PCDH9: variants seen among roughly 807,000 people sequenced by gnomAD.
PCDH9 encodes protocadherin-9.
Under a neutral mutation model 70.6 loss-of-function variants are expected in PCDH9, and 24 were observed. The observed-to-expected ratio is 0.34, with a 90% CI of 0.25 to 0.48. The LOEUF (loss-of-function observed/expected upper bound fraction) is 0.48. Among genes scored for constraint, PCDH9 ranks in the 20% least tolerant of loss-of-function variants. The pLI is 0.99. For synonymous variants in PCDH9, 562 were observed against 558.5 expected (o/e 1.01, Z -0.09); for missense variants, 1,281 against 1,503.6 (o/e 0.85, Z 2.45).
chr13:66,925,291 T>A (rs568344246), intron 2 of PCDH9, among the ~76,000 whole-genome samples: 2 of 150,542 alleles, frequency 1.3e-5, no homozygotes, highest in Non-Finnish European at 3.0e-5. Flanking sequence ...AATAACTTAC[T>A]TCCCCATGTT....
chr13:66,997,700 A>C (rs888598542), intron 2 of PCDH9, among the ~76,000 whole-genome samples: 4 of 151,896 alleles, frequency 2.6e-5, no homozygotes, highest in African/African-American at 9.7e-5. Flanking sequence ...ATGCCTAGCT[A>C]ATTTTTGTAT....
At chr13:66,851,267 T>TG (rs1413944238) in intron 3 of PCDH9, among the ~76,000 whole-genome samples, 2 of 152,092 alleles carry the variant, frequency 1.3e-5, no homozygotes, top group African/African-American at 4.8e-5. Flanking sequence ...AATTGCAAAA[T>TG]TCTCGTCTGT....
At chr13:66,827,613 A>G (rs965784146) in intron 3 of PCDH9, among the ~76,000 whole-genome samples, 3 of 152,166 alleles carry the variant, frequency 2.0e-5, no homozygotes, top group Non-Finnish European at 4.4e-5. Context: ...GTTAGGATAT[A>G]TGGAGTGAAG....
chr13:66,340,993 C>G (rs1956114673), intron 4 of PCDH9, among the ~76,000 whole-genome samples: 1 of 152,114 alleles, frequency 6.6e-6, no homozygotes, highest in South Asian at 2.1e-4. Context: ...AAAAGTCAGA[C>G]ACTGAATCTA....
At chr13:66,613,744 G>A (rs1257879151) in intron 4 of PCDH9, among the ~76,000 whole-genome samples, 16 of 119,434 alleles carry the variant, frequency 1.3e-4, no homozygotes, top group African/African-American at 4.4e-4. Context: ...TACTGTGTGC[G>A]ATGTCTGTAA....
chr13:67,074,504 A>T (rs1368943648), intron 2 of PCDH9, among the ~76,000 whole-genome samples: 1 of 152,120 alleles, frequency 6.6e-6, no homozygotes, highest in Non-Finnish European at 1.5e-5. Context: ...TTATCTACCT[A>T]TCTACCTCCC....
At chr13:66,385,294 G>A (rs1468661877) in intron 4 of PCDH9, among the ~76,000 whole-genome samples, 3 of 152,036 alleles carry the variant, frequency 2.0e-5, no homozygotes, top group African/African-American at 7.2e-5. Context: ...CATTAAATCT[G>A]TATGTATAGT....
chr13:66,750,864 T>A (rs1160021268), intron 3 of PCDH9, among the ~76,000 whole-genome samples: 5 of 152,150 alleles, frequency 3.3e-5, no homozygotes, highest in Non-Finnish European at 5.9e-5. Flanking sequence ...AGCAAACTAA[T>A]ATTTAAACCT....
intron 2 of PCDH9, among the ~76,000 whole-genome samples, chr13:67,021,070 A>G (rs2084664432): frequency 6.6e-6 from 1 of 152,214 alleles, no homozygotes; most frequent in South Asian, 2.1e-4. Flanking sequence ...TGAGAAATAA[A>G]AGAAGCATAT....
At chr13:66,559,668 C>T (rs1009214527) in intron 4 of PCDH9, among the ~76,000 whole-genome samples, 12 of 150,878 alleles carry the variant, frequency 8.0e-5, no homozygotes, top group African/African-American at 1.2e-4. Context: ...GGCGTGGTGG[C>T]GGGTGCCTGT....
chr13:66,445,765 A>C (rs1445958606), intron 4 of PCDH9, among the ~76,000 whole-genome samples: 1 of 146,232 alleles, frequency 6.8e-6, no homozygotes, highest in Non-Finnish European at 1.5e-5. Context: ...TAATACATAC[A>C]CATATATATT....
At chr13:66,722,694 G>T (rs556751977) in intron 3 of PCDH9, among the ~76,000 whole-genome samples, 8 of 152,098 alleles carry the variant, frequency 5.3e-5, no homozygotes, top group Non-Finnish European at 1.0e-4. Flanking sequence ...TGTGCCGGGC[G>T]CGGTGGCTCA....
At chr13:66,451,889 A>G (rs1958219968) in intron 4 of PCDH9, among the ~76,000 whole-genome samples, 1 of 152,250 alleles carries the variant, frequency 6.6e-6, no homozygotes, top group South Asian at 2.1e-4. Flanking sequence ...CAATTCAAAG[A>G]TAACAATGGC....
rs542707884 is a variant in PCDH9 at position 66,523,141 on chromosome 13, A to G, written c.3340+108069T>C. Among the ~76,000 whole-genome samples the G allele has an allele frequency of 6.6e-5, 10 of 152,126 alleles. No individual in the cohort carries two copies. The East Asian group carries it at 1.9e-3, about 30-fold the overall frequency. On this transcript the variant is annotated intron_variant, in intron 4 of 4. Coordinates refer to ENST00000377865, the MANE Select transcript of PCDH9 (RefSeq NM_203487.3). ...GAATCATCAGCATTCTTGAAAGTTC[A>G]ATCATTATCTCATTTGCTCTCCCTG...
chr13:66,379,268 C>A (rs548480401), intron 4 of PCDH9, among the ~76,000 whole-genome samples: 1 of 152,266 alleles, frequency 6.6e-6, no homozygotes, highest in East Asian at 1.9e-4. Context: ...GTGCAACTTA[C>A]AAACAGGTTT....
intron 3 of PCDH9, among the ~76,000 whole-genome samples, chr13:66,686,198 T>C (rs1043296756): frequency 2.0e-5 from 3 of 152,102 alleles, no homozygotes; most frequent in Admixed American, 6.5e-5. Flanking sequence ...CAGTGGGAGG[T>C]AATTGAATAA....
intron 3 of PCDH9, among the ~76,000 whole-genome samples, chr13:66,770,838 G>T (rs189821693): frequency 6.6e-6 from 1 of 152,080 alleles, no homozygotes; most frequent in Non-Finnish European, 1.5e-5. Context: ...ACACTGAAGC[G>T]AGAGAAGCAT....
intron 3 of PCDH9, among the ~76,000 whole-genome samples, chr13:66,771,734 T>G (rs528550151): frequency 6.6e-6 from 1 of 152,322 alleles, no homozygotes; most frequent in East Asian, 1.9e-4. Flanking sequence ...CCTATATACA[T>G]TAGGCAAATT....
chr13:66,706,600 C>A (rs2078714649), intron 3 of PCDH9, among the ~76,000 whole-genome samples: 1 of 152,276 alleles, frequency 6.6e-6, no homozygotes, highest in South Asian at 2.1e-4. Flanking sequence ...TCTACAAAGT[C>A]ACAACCTAAA....
Sources: allele counts gnomAD v4.1 joint callset (sites outside exome capture counted in the v4.1 genomes callset), GRCh38; gene constraint gnomAD v4.1.1; transcripts MANE v1.5; gene names NCBI Gene and HGNC (gene_info 2026-07-23, HGNC 2026-07-21).